The following M1AP variants were observed in gnomAD, a reference collection of about 807,000 sequenced individuals.
M1AP encodes meiosis 1 associated protein, also known as meiosis 1 arrest protein.
A neutral mutation model predicts 51.2 loss-of-function variants in M1AP; 39 were observed. That is an observed-to-expected ratio of 0.76 (90% confidence interval 0.59 to 1.00). The LOEUF is 1.00. M1AP is among the 50% of genes least tolerant of loss of function. The pLI, the probability that M1AP is intolerant of heterozygous loss-of-function variation, is 0.00. For synonymous variants in M1AP, 251 were observed against 249.2 expected, an observed-to-expected ratio of 1.01 and a Z score of -0.07; for missense variants, 545 against 641.2, an observed-to-expected ratio of 0.85 and a Z score of 1.62.
In M1AP at chr2:74,611,294, T is replaced by A. The variant is rs567748611; in HGVS notation, c.426+3670A>T. ...ATGTTTGGTAGAATTCAGCAGTGAA[T>A]CTATGAGGTCTGGGGCTTTTCTTCA... On this transcript the variant is annotated intron_variant, in intron 3 of 10. Transcript: ENST00000421985. Among the ~76,000 whole-genome samples, 25 of 152,310 alleles carry A rather than the reference T, an allele frequency of 1.6e-4. No individual in the cohort carries two copies. In the South Asian group the frequency reaches 2.7e-3, roughly 16 times the overall value.
chr2:74,607,234 A>T lies in M1AP; in HGVS notation c.427-11T>A. ...AGTCAGAATAGTAATCTGAAAATAA[A>T]TCCAAGAATCAATGTGTCTATTCTC... On this transcript the variant is annotated splice_polypyrimidine_tract_variant and intron_variant, in intron 3 of 10. Transcript: ENST00000421985. 1.2e-6 allele frequency: 2 copies of T among 1,613,592 alleles called. No individual in the cohort carries two copies. The highest frequency in any genetic ancestry group is 1.7e-6 in the Non-Finnish European group (2 of 1,179,556).
intron 1 of M1AP, 66 bp downstream of exon 1, chr2:74,648,199 C>A (rs1353655384): frequency 2.1e-6 from 2 of 961,948 alleles, no homozygotes; most frequent in Non-Finnish European, 2.5e-6. Context: ...ACGCCCAGCC[C>A]AGCCTGCGAA....
intron 3 of M1AP, among the ~76,000 whole-genome samples, chr2:74,612,755 T>C (rs921223444): frequency 2.6e-5 from 4 of 152,198 alleles, no homozygotes; most frequent in African/African-American, 9.6e-5. Flanking sequence ...AATTTCTCCA[T>C]TGACCCACTG....
chr2:74,634,507 C>T (rs959113222), intron 2 of M1AP, among the ~76,000 whole-genome samples: 9 of 152,224 alleles, frequency 5.9e-5, no homozygotes, highest in Admixed American at 2.6e-4. Context: ...ATCCACAAAC[C>T]GGGACAATTT....
At chr2:74,595,735 G>A (rs187810427) in intron 4 of M1AP, among the ~76,000 whole-genome samples, 386 of 152,212 alleles carry the variant, frequency 2.5e-3, no homozygotes, top group Non-Finnish European at 4.0e-3. Context: ...AGCAGTAAAT[G>A]GACTTAATAG....
chr2:74,628,303 C>A (rs567770808), intron 2 of M1AP: 161 of 331,246 alleles, frequency 4.9e-4, no homozygotes, highest in African/African-American at 3.4e-3. Context: ...TGTAACAAAG[C>A]ACATAAGCTT....
intron 1 of M1AP, among the ~76,000 whole-genome samples, chr2:74,644,554 A>G (rs1683486903): frequency 6.6e-6 from 1 of 151,786 alleles, no homozygotes; most frequent in Non-Finnish European, 1.5e-5. Context: ...AAAAAAAAAA[A>G]TACATAGATA....
In M1AP at chr2:74,608,126, G is replaced by A. The variant is rs151009501; in HGVS notation, c.427-903C>T. 4.6e-4 allele frequency among the ~76,000 whole-genome samples: 70 copies of A among 152,174 alleles called. 1 individual carries two copies. The highest frequency in any genetic ancestry group is 1.5e-3 in the African/African-American group (62 of 41,498). On this transcript the variant is annotated intron_variant, in intron 3 of 10. Coordinates refer to ENST00000421985, the MANE Select transcript of M1AP (RefSeq NM_001321739.2). The stretch of plus-strand genomic sequence containing the variant: ...CAGATTACATTAGGGTTGACTCTTG[G>A]TGTAGTACATTCTATGAGTCTAGAC...
At chr2:74,608,391 T>G (rs375135317) in intron 3 of M1AP, among the ~76,000 whole-genome samples, 23 of 152,216 alleles carry the variant, frequency 1.5e-4, no homozygotes, top group South Asian at 6.2e-4. Context: ...TTAAGGTCCC[T>G]CCATATCTTT....
intron 6 of M1AP, among the ~76,000 whole-genome samples, 157 bp from the exon 7 acceptor site, chr2:74,575,736 G>A (rs1169940122): frequency 6.6e-6 from 1 of 152,258 alleles, no homozygotes; most frequent in East Asian, 1.9e-4. Flanking sequence ...ATCTAGCATA[G>A]TATCTAGCAC....
chr2:74,600,176 A>G (rs1405588515), intron 4 of M1AP, among the ~76,000 whole-genome samples: 1 of 152,212 alleles, frequency 6.6e-6, no homozygotes, highest in Non-Finnish European at 1.5e-5. Context: ...TCTCAACTGA[A>G]AAACCCTGGG....
intron 2 of M1AP, among the ~76,000 whole-genome samples, chr2:74,639,503 T>G (rs1045380524): frequency 6.6e-6 from 1 of 152,228 alleles, no homozygotes; most frequent in Non-Finnish European, 1.5e-5. Flanking sequence ...ACACTGCCCC[T>G]GGCCCAGCCA....
chr2:74,613,233 C>G (rs12104804), intron 3 of M1AP, among the ~76,000 whole-genome samples: 6,822 of 152,228 alleles, frequency 0.045, 519 homozygotes, highest in African/African-American at 0.15. Context: ...ATCATAGTTG[C>G]TTTAAATTCT....
chr2:74,606,731 T>C (rs1039940604), intron 4 of M1AP, among the ~76,000 whole-genome samples: 7 of 152,066 alleles, frequency 4.6e-5, no homozygotes, highest in Non-Finnish European at 7.4e-5. Flanking sequence ...ATATTGTTTC[T>C]GAAATAAAAT....
rs1261145865 is a variant in M1AP at position 74,640,190 on chromosome 2, A to G, written c.86T>C (p.Ile29Thr). 1.4e-5 allele frequency: 22 copies of G among 1,611,326 alleles called. No individual in the cohort carries two copies. Among genetic ancestry groups the G allele is most frequent in the Non-Finnish European group, 1.9e-5 (22 of 1,178,106 alleles). ...QQPPRLLIVH[I>T]ALPSWADICT... ...GATGTCAGCCCAGGACGGTAGAGCA[A>G]TGTGCACAATGAGAAGCCGTGGAGG... Residue 29 changes from isoleucine to threonine, a missense_variant, in exon 2 of 11, where the codon ATT becomes ACT. Coordinates refer to ENST00000421985, the MANE Select transcript of M1AP (RefSeq NM_001321739.2).
chr2:74,634,198 T>C lies in M1AP; in HGVS notation c.240+5838A>G, dbSNP rs1347607936. 1.3e-5 allele frequency among the ~76,000 whole-genome samples: 2 copies of C among 152,116 alleles called. 1 individual carries two copies. ...TTAATGTTATTAACATATTAGCAAA[T>C]AGAGCGATTTGTCTGAATTGAGTGC... On this transcript the variant is annotated intron_variant, in intron 2 of 10. Coordinates refer to ENST00000421985, the MANE Select transcript of M1AP (RefSeq NM_001321739.2).
intron 4 of M1AP, among the ~76,000 whole-genome samples, chr2:74,600,304 G>T (rs1321286403): frequency 6.6e-6 from 1 of 152,222 alleles, no homozygotes; most frequent in Admixed American, 6.5e-5. Context: ...TAAGTATTCA[G>T]TAAAATGTTG....
At chr2:74,648,073 G>A in intron 1 of M1AP, 192 bp downstream of exon 1, 4 of 985,524 alleles carry the variant, frequency 4.1e-6, no homozygotes, top group Non-Finnish European at 4.8e-6. Flanking sequence ...AGAACAGTAT[G>A]CGGAGGGATG....
intron 7 of M1AP, among the ~76,000 whole-genome samples, chr2:74,570,089 T>A (rs555656116): frequency 6.6e-6 from 1 of 152,250 alleles, no homozygotes; most frequent in South Asian, 2.1e-4. Flanking sequence ...TGATAGTGCT[T>A]CCATATATGC....
Sources: allele counts gnomAD v4.1 joint callset (sites outside exome capture counted in the v4.1 genomes callset), GRCh38; gene constraint gnomAD v4.1.1; transcripts MANE v1.5; gene names NCBI Gene and HGNC (gene_info 2026-07-23, HGNC 2026-07-21).